Variants in COL13A1 observed in about 807,000 individuals in gnomAD.
COL13A1 encodes collagen alpha-1(XIII) chain.
A neutral mutation model predicts 130.9 loss-of-function variants in COL13A1; 89 were observed. That is an observed-to-expected ratio of 0.68 (90% CI 0.57 to 0.81). The LOEUF (loss-of-function observed/expected upper bound fraction) is 0.81, where lower values mean the gene tolerates loss of function less well. Ranked by LOEUF, COL13A1 falls within the 30% of genes least tolerant of loss-of-function variation. The probability of loss-of-function intolerance (pLI) is 0.00; values close to 1 mark genes in which losing one functional copy is unlikely to be tolerated. For synonymous variants in COL13A1, 402 were observed against 341.6 expected, an observed-to-expected ratio of 1.18 and a Z score of -1.95; for missense variants, 879 against 934.6, an observed-to-expected ratio of 0.94 and a Z score of 0.78.
At chr10:69,872,332 C>A in intron 4 of COL13A1, 122 bp downstream of exon 4, 1 of 1,099,920 alleles carries the variant, frequency 9.1e-7, no homozygotes, top group African/African-American at 1.5e-5. Context: ...GGCCACTCTC[C>A]AGAGTCCCTG....
chr10:69,810,380 GAC>G (rs1491106179), intron 1 of COL13A1, among the ~76,000 whole-genome samples: 3,793 of 141,878 alleles, frequency 0.027, 78 homozygotes, highest in Non-Finnish European at 0.044. Flanking sequence ...GAGAGAGAGA[GAC>G]AGAGAGTCTG....
At chr10:69,902,894 A>G in intron 15 of COL13A1, 39 bp downstream of exon 15, 1 of 1,445,820 alleles carries the variant, frequency 6.9e-7, no homozygotes, top group African/African-American at 1.4e-5. Context: ...GACTTATCCC[A>G]AGAACTCTCT....
At chr10:69,880,341 G>A (rs1564931593) in intron 6 of COL13A1, among the ~76,000 whole-genome samples, 162 bp from the exon 7 acceptor site, 1 of 151,566 alleles carries the variant, frequency 6.6e-6, no homozygotes, top group African/African-American at 2.4e-5. Context: ...TGATCCCCTC[G>A]TGGCCCTCCA....
chr10:69,866,302 T>C (rs1430648413), intron 2 of COL13A1, among the ~76,000 whole-genome samples: 1 of 152,166 alleles, frequency 6.6e-6, no homozygotes, highest in Non-Finnish European at 1.5e-5. Context: ...ACTGGGGGCA[T>C]CACCAGAGCC....
chr10:69,887,389 AG>A, intron 7 of COL13A1, 66 bp from the exon 8 acceptor site: 2 of 1,506,178 alleles, frequency 1.3e-6, no homozygotes, highest in Non-Finnish European at 9.2e-7. Context: ...GATGAACTGG[AG>A]GCCTAGGGAT....
intron 2 of COL13A1, among the ~76,000 whole-genome samples, chr10:69,852,480 A>C (rs943314932): frequency 6.6e-6 from 1 of 152,260 alleles, no homozygotes. Flanking sequence ...GGACTTGCCC[A>C]AGCTCGACTG....
chr10:69,838,113 C>G (rs1850585398), intron 2 of COL13A1, among the ~76,000 whole-genome samples: 2 of 152,234 alleles, frequency 1.3e-5, no homozygotes, highest in Admixed American at 6.5e-5. Context: ...TGCGCCTGCT[C>G]CAAGGCATCC....
intron 5 of COL13A1, among the ~76,000 whole-genome samples, chr10:69,876,775 C>T (rs1589235224): frequency 2.6e-5 from 4 of 152,354 alleles, no homozygotes; most frequent in African/African-American, 9.6e-5. Context: ...AGACTCACTG[C>T]ACCCAAAATA....
rs768068405 is a variant in COL13A1 at position 69,918,271 on chromosome 10, T to TC, written c.967-13dup. Reference sequence around the variant, plus strand: ...CAGAATGTCTTCAGACCTTTTTTTTTCTCTCTCTGCCAGGGGGCGCCCGGA... The same window carrying TC: ...CAGAATGTCTTCAGACCTTTTTTTTTCCTCTCTCTGCCAGGGGGCGCCCGGA... On this transcript the variant is annotated splice_polypyrimidine_tract_variant and intron_variant, in intron 18 of 40. Transcript: ENST00000645393. The TC allele has an allele frequency of 2.5e-6, 4 of 1,611,076 alleles. No homozygotes were observed. The highest frequency in any genetic ancestry group is 2.5e-6 in the Non-Finnish European group (3 of 1,178,656).
At chr10:69,866,245 G>C (rs2058503892) in intron 2 of COL13A1, among the ~76,000 whole-genome samples, 1 of 152,204 alleles carries the variant, frequency 6.6e-6, no homozygotes, top group East Asian at 1.9e-4. Context: ...TGCCCTCAGA[G>C]CTCCAGTCTG....
At chr10:69,895,684 G>A in intron 13 of COL13A1, 108 bp downstream of exon 13, 2 of 1,260,784 alleles carry the variant, frequency 1.6e-6, no homozygotes, top group Non-Finnish European at 2.3e-6. Flanking sequence ...AGATCATGGG[G>A]GAGCAGGAGC....
At chr10:69,830,619 G>C (rs1848596660) in intron 2 of COL13A1, among the ~76,000 whole-genome samples, 2 of 152,176 alleles carry the variant, frequency 1.3e-5, no homozygotes, top group Non-Finnish European at 2.9e-5. Context: ...ATCAAATTCA[G>C]CAGGGAGGAG....
chr10:69,904,893 C>T (rs980115041), intron 15 of COL13A1, 40 bp from the exon 16 acceptor site: 3 of 1,535,764 alleles, frequency 2.0e-6, no homozygotes, highest in Middle Eastern at 1.7e-4. Flanking sequence ...CTCTACTCAC[C>T]TTTTCTTTTT....
At chr10:69,940,727 C>A (rs1019579792) in intron 34 of COL13A1, among the ~76,000 whole-genome samples, 1 of 152,136 alleles carries the variant, frequency 6.6e-6, no homozygotes, top group Non-Finnish European at 1.5e-5. Flanking sequence ...GCGGGAGGAG[C>A]AGGTGGCCAT....
chr10:69,860,259 G>T (rs957477398), intron 2 of COL13A1, among the ~76,000 whole-genome samples: 1 of 152,176 alleles, frequency 6.6e-6, no homozygotes, highest in South Asian at 2.1e-4. Context: ...GGTCTCCTGA[G>T]CTAGAAAAGA....
chr10:69,934,773 T>C (rs899038458), intron 31 of COL13A1, among the ~76,000 whole-genome samples: 1 of 152,262 alleles, frequency 6.6e-6, no homozygotes, highest in Non-Finnish European at 1.5e-5. Flanking sequence ...GTCCCCATCC[T>C]GTCTGTAACA....
At position 69,873,112 on chromosome 10, in the gene COL13A1, C is replaced by T. The variant is rs77017482; in HGVS notation, c.399+902C>T. Among the ~76,000 whole-genome samples the T allele has an allele frequency of 6.5e-3, 992 of 152,282 alleles. 6 individuals are homozygous for T. The highest frequency in any genetic ancestry group is 0.023 in the African/African-American group (937 of 41,548). On this transcript the variant is annotated intron_variant, in intron 4 of 40. Coordinates refer to ENST00000645393, the MANE Select transcript of COL13A1 (RefSeq NM_001368882.1). Reference sequence around the variant, plus strand: ...CTGCAGCCGGTCAGGGGGCCGGAATCGGGTATGGAGAGCACCCTGGCCTGA... The same window carrying T: ...CTGCAGCCGGTCAGGGGGCCGGAATTGGGTATGGAGAGCACCCTGGCCTGA...
chr10:69,895,021 G>T (rs1328961920), intron 12 of COL13A1, among the ~76,000 whole-genome samples: 2 of 152,208 alleles, frequency 1.3e-5, no homozygotes, highest in East Asian at 3.9e-4. Flanking sequence ...GAGCCTCTGG[G>T]ATTCTGAGAG....
intron 26 of COL13A1, 60 bp from the exon 27 acceptor site, chr10:69,927,027 G>A: frequency 6.2e-7 from 1 of 1,611,994 alleles, no homozygotes; most frequent in Non-Finnish European, 8.5e-7. Context: ...TGTGCAGTGA[G>A]AACCTTCCAC....
Sources: gnomAD v4.1 joint callset for allele counts (sites outside exome capture counted in the v4.1 genomes callset) on GRCh38, gnomAD v4.1.1 for gene constraint, MANE v1.5 for transcripts, NCBI Gene and HGNC (gene_info 2026-07-23, HGNC 2026-07-21) for gene names.